Variants in KCNQ5 observed in about 807,000 individuals in gnomAD.
KCNQ5 encodes potassium voltage-gated channel subfamily KQT member 5.
KCNQ5 carries 30 observed loss-of-function variants against 98.2 expected under a neutral mutation model. The ratio of observed to expected loss-of-function variants is 0.31; its 90% CI spans 0.23 to 0.41. The LOEUF (loss-of-function observed/expected upper bound fraction) is 0.41. Ranked by LOEUF, KCNQ5 falls within the 10% of genes least tolerant of loss-of-function variation. The pLI is 1.00. For missense variants in KCNQ5, 835 were observed against 1,182.5 expected (o/e 0.71, Z 4.31); for synonymous variants, 458 against 449.4 (o/e 1.02, Z -0.24).
intron 10 of KCNQ5, among the ~76,000 whole-genome samples, chr6:73,167,293 T>C (rs1462601368): frequency 2.0e-5 from 3 of 152,224 alleles, no homozygotes; most frequent in African/African-American, 7.2e-5. Context: ...AGGAGCAGGC[T>C]GTACACATCA....
chr6:72,642,001 C>T (rs770512612), intron 1 of KCNQ5, among the ~76,000 whole-genome samples: 3 of 151,502 alleles, frequency 2.0e-5, no homozygotes, highest in Non-Finnish European at 2.9e-5. Context: ...TTAACCTCCA[C>T]GCTGATGGTC....
At chr6:72,765,830 CAA>C (rs1264339887) in intron 1 of KCNQ5, among the ~76,000 whole-genome samples, 1 of 151,918 alleles carries the variant, frequency 6.6e-6, no homozygotes, top group African/African-American at 2.4e-5. Context: ...AGGTAGGAAA[CAA>C]GAGTGGAAAC....
chr6:72,710,305 G>T (rs1561935815), intron 1 of KCNQ5, among the ~76,000 whole-genome samples: 3 of 152,080 alleles, frequency 2.0e-5, no homozygotes, highest in Admixed American at 6.5e-5. Flanking sequence ...AGCTGGCATT[G>T]GTAAGTTCTT....
At chr6:73,188,982 C>CAAAAAAAAAAAAAA (rs67431655) in intron 11 of KCNQ5, among the ~76,000 whole-genome samples, 1 of 82,426 alleles carries the variant, frequency 1.2e-5, no homozygotes, top group African/African-American at 4.5e-5. Flanking sequence ...GACTCTGTCT[C>CAAAAAAAAAAAAAA]AAAAAAAAAA....
chr6:73,029,989 TAG>T (rs1771067678), intron 2 of KCNQ5, among the ~76,000 whole-genome samples: 1 of 150,866 alleles, frequency 6.6e-6, no homozygotes, highest in African/African-American at 2.4e-5. Context: ...TGGAAACAAT[TAG>T]AGATATAAAT....
At chr6:72,710,417 A>G (rs186252957) in intron 1 of KCNQ5, among the ~76,000 whole-genome samples, 1 of 152,298 alleles carries the variant, frequency 6.6e-6, no homozygotes, top group African/African-American at 2.4e-5. Context: ...AAAACAAAAC[A>G]AGACCCAACT....
chr6:73,166,158 C>A (rs1245015925), intron 10 of KCNQ5, among the ~76,000 whole-genome samples: 6 of 150,832 alleles, frequency 4.0e-5, no homozygotes, highest in Non-Finnish European at 8.9e-5. Context: ...TCAGGCCGGG[C>A]GTGGTGGCTC....
At position 73,133,368 on chromosome 6, in the gene KCNQ5, C is replaced by T; in HGVS notation, c.1248-53C>T. The T allele has an allele frequency of 1.0e-5, 16 of 1,527,218 alleles. 1 individual carries two copies. The South Asian group carries it at 1.8e-4, about 17-fold the overall frequency. The allele number at this position is 1,527,218 out of a possible 1,614,324, so 94.6% of individuals were successfully genotyped here. On this transcript the variant is annotated intron_variant, in intron 9 of 13. Coordinates refer to ENST00000370398, the MANE Select transcript of KCNQ5 (RefSeq NM_019842.4). ...AGCTTCATCAAATTACTTACCCAAG[C>T]AAAGTGGAAGAAATTGCTTGAAATG...
intron 2 of KCNQ5, among the ~76,000 whole-genome samples, chr6:73,037,097 T>C (rs1771467233): frequency 6.6e-6 from 1 of 152,240 alleles, no homozygotes; most frequent in African/African-American, 2.4e-5. Context: ...ATTTTTCTGA[T>C]GGCTAATGAT....
chr6:72,647,304 T>C lies in KCNQ5; in HGVS notation c.398+24717T>C, dbSNP rs191969529. 2.7e-4 allele frequency among the ~76,000 whole-genome samples: 41 copies of C among 152,020 alleles called. No individual in the cohort carries two copies. In the East Asian group the frequency reaches 6.0e-3, roughly 22 times the overall value. The stretch of plus-strand genomic sequence containing the variant: ...TGAGTCAATCATCAGTAGAGTTGAA[T>C]TGAAAGAATGCCATTAGTTGGAGTC... On this transcript the variant is annotated intron_variant, in intron 1 of 13. Coordinates refer to ENST00000370398, the MANE Select transcript of KCNQ5 (RefSeq NM_019842.4).
chr6:72,751,390 C>T (rs1480988627), intron 1 of KCNQ5, among the ~76,000 whole-genome samples: 1 of 151,506 alleles, frequency 6.6e-6, no homozygotes, highest in Non-Finnish European at 1.5e-5. Context: ...AAATGATGTA[C>T]TACAGCACTG....
chr6:72,827,717 A>C (rs1019571219), intron 1 of KCNQ5, among the ~76,000 whole-genome samples: 4 of 152,052 alleles, frequency 2.6e-5, no homozygotes, highest in Admixed American at 1.3e-4. Context: ...TGCTGTGCAG[A>C]AGCTTTTTAG....
intron 1 of KCNQ5, among the ~76,000 whole-genome samples, chr6:72,956,497 T>C (rs1346502514): frequency 2.7e-5 from 4 of 150,318 alleles, no homozygotes; most frequent in East Asian, 1.9e-4. Flanking sequence ...TTCTTTTTTT[T>C]TTTTTTTTTG....
At position 73,094,837 on chromosome 6, in the gene KCNQ5, TC is replaced by T. The variant is rs1397949586; in HGVS notation, c.919-10419del. Among the ~76,000 whole-genome samples, 4 of 152,184 alleles carry T rather than the reference TC, an allele frequency of 2.6e-5. No homozygotes were observed. The East Asian group carries it at 7.7e-4, about 29-fold the overall frequency. ...ATTTATAGGTTACCAGGTACTTTTG[TC>T]TCACTGCTCTTAAAATTCTTTCCTT... On this transcript the variant is annotated intron_variant, in intron 5 of 13. Transcript: ENST00000370398.
At chr6:72,854,758 T>TTGTGTGTGTGTGTGTGTGTGTG (rs34867008) in intron 1 of KCNQ5, among the ~76,000 whole-genome samples, 46 of 127,156 alleles carry the variant, frequency 3.6e-4, no homozygotes, top group African/African-American at 1.3e-3. Context: ...ACACCATGGT[T>TTGTGTGTGTGTGTGTGTGTGTG]TGTGTGTGTG....
intron 2 of KCNQ5, among the ~76,000 whole-genome samples, chr6:73,018,351 A>G (rs561958111): frequency 6.6e-6 from 1 of 152,184 alleles, no homozygotes; most frequent in East Asian, 1.9e-4. Flanking sequence ...GGGTGAGGCA[A>G]GTGGGCTGTG....
Position 72,909,586 on chromosome 6 carries a change from C to G in KCNQ5, c.399-94322C>G, listed in dbSNP as rs569038622. On this transcript the variant is annotated intron_variant, in intron 1 of 13. Transcript: ENST00000370398. ...TGGTCCAGAGCTGGGGCCTCAAGAA[C>G]CATGAAGAGAGCTAAGCAGTTCAAG... is the stretch of plus-strand genomic sequence containing the variant. Among the ~76,000 whole-genome samples the G allele has an allele frequency of 3.7e-4, 57 of 152,176 alleles. No individual in the cohort carries two copies. The South Asian group carries it at 1.0e-2, about 27-fold the overall frequency.
At chr6:72,680,362 A>G (rs993588246) in intron 1 of KCNQ5, among the ~76,000 whole-genome samples, 1 of 152,128 alleles carries the variant, frequency 6.6e-6, no homozygotes, top group Non-Finnish European at 1.5e-5. Context: ...TGAATATTTC[A>G]TTTCTTTTTA....
rs1024129935 is a variant in KCNQ5, at chr6:73,023,261, T to A, written c.490-18675T>A. Among the ~76,000 whole-genome samples, 3 of 152,190 alleles carry A rather than the reference T, an allele frequency of 2.0e-5. No homozygotes were observed. The East Asian group carries it at 5.8e-4, about 29-fold the overall frequency. On this transcript the variant is annotated intron_variant, in intron 2 of 13. Coordinates refer to ENST00000370398, the MANE Select transcript of KCNQ5 (RefSeq NM_019842.4). Reference sequence around the variant, plus strand: ...TTCTGCACTTTCTGACTTTGGGGCATGGTCAGATAGTGATGACATCAGCCA... The same window carrying A: ...TTCTGCACTTTCTGACTTTGGGGCAAGGTCAGATAGTGATGACATCAGCCA...
Sources: gnomAD v4.1 joint callset for allele counts (sites outside exome capture counted in the v4.1 genomes callset) on GRCh38, gnomAD v4.1.1 for gene constraint, MANE v1.5 for transcripts, NCBI Gene and HGNC (gene_info 2026-07-23, HGNC 2026-07-21) for gene names.